HIVEP3: variants seen among roughly 807,000 people sequenced by gnomAD.
HIVEP3 encodes the protein HIVEP zinc finger 3, also known as transcription factor HIVEP3.
A neutral mutation model predicts 152.8 loss-of-function variants in HIVEP3; 49 were observed. The ratio of observed to expected loss-of-function variants is 0.32; its 90% CI spans 0.26 to 0.41. HIVEP3 has a LOEUF of 0.41. Among genes scored for constraint, HIVEP3 ranks in the 10% least tolerant of loss-of-function variants. The pLI is 1.00. For missense variants in HIVEP3, 2,790 were observed against 3,103.3 expected (o/e 0.90, Z 2.40); for synonymous variants, 1,269 against 1,289.0 (o/e 0.98, Z 0.33).
chr1:41,693,610 A>G (rs531342054), intron 2 of HIVEP3, among the ~76,000 whole-genome samples: 2 of 152,134 alleles, frequency 1.3e-5, no homozygotes, highest in African/African-American at 4.8e-5. Context: ...GTTTGTTATC[A>G]TCCTTTAACC....
At chr1:41,845,101 T>C (rs942318501) in intron 1 of HIVEP3, among the ~76,000 whole-genome samples, 1 of 152,206 alleles carries the variant, frequency 6.6e-6, no homozygotes, top group Non-Finnish European at 1.5e-5. Context: ...ATTCTCTATG[T>C]AGCCTCCCCT....
chr1:41,518,335 G>A (rs1642665770), intron 7 of HIVEP3, 67 bp downstream of exon 7: 2 of 1,354,130 alleles, frequency 1.5e-6, no homozygotes, highest in Non-Finnish European at 2.1e-6. Flanking sequence ...AGGCAAGCAG[G>A]AAAGGTGGAG....
At chr1:41,675,782 G>T (rs1184763667) in intron 2 of HIVEP3, among the ~76,000 whole-genome samples, 1 of 152,220 alleles carries the variant, frequency 6.6e-6, no homozygotes, top group East Asian at 1.9e-4. Flanking sequence ...TTCAAACTCA[G>T]CCCTCAATAT....
At chr1:41,513,809 C>T (rs916067911) in intron 7 of HIVEP3, 59 bp from the exon 8 acceptor site, 24 of 1,366,930 alleles carry the variant, frequency 1.8e-5, no homozygotes, top group Middle Eastern at 1.9e-4. Context: ...ACTGCCCACA[C>T]GGCTGCTCCT....
At chr1:41,629,095 C>A in intron 2 of HIVEP3, 148 bp from the exon 3 acceptor site, 1 of 409,146 alleles carries the variant, frequency 2.4e-6, no homozygotes, top group East Asian at 4.5e-5. Flanking sequence ...TCCCCACATC[C>A]CCCTACTTTG....
Position 41,688,545 on chromosome 1 carries a change from A to T in HIVEP3, c.-721+12371T>A, listed in dbSNP as rs568770040. On this transcript the variant is annotated intron_variant, in intron 2 of 8. Coordinates refer to ENST00000372583, the MANE Select transcript of HIVEP3 (RefSeq NM_024503.5). ...CCAGGGAAGGTGGAATGAACACTTA[A>T]CTCATTCTTAAAGTCACAACTCCCA... 2.6e-5 allele frequency among the ~76,000 whole-genome samples: 4 copies of T among 152,264 alleles called. No homozygotes were observed. In the South Asian group the frequency reaches 8.3e-4, roughly 32 times the overall value.
rs1345042455 is a variant in HIVEP3 at position 41,662,164 on chromosome 1, G to GCTGGGCTGCGCCGCGCTGGA, written c.-720-33237_-720-33218dup. ...GGCGGCCGAGGCTCCGCTGCTCTGG[G>GCTGGGCTGCGCCGCGCTGGA]CTGGGCTGCGCCGCGCTGGACTGGG... On this transcript the variant is annotated intron_variant, in intron 2 of 8. Coordinates refer to ENST00000372583, the MANE Select transcript of HIVEP3 (RefSeq NM_024503.5). This position sits in a 1 kb window ranked among gnomAD's most constrained non-coding sequence, Gnocchi z 7.2. 1 of 148,224 alleles carries GCTGGGCTGCGCCGCGCTGGA rather than the reference G, an allele frequency of 6.7e-6. No individual in the cohort carries two copies. The highest frequency in any genetic ancestry group is 1.5e-5 in the Non-Finnish European group (1 of 66,740). The allele number at this position is 148,224 out of a possible 1,614,324, so 9.2% of individuals were successfully genotyped here.
chr1:41,726,224 C>T (rs544642887), intron 1 of HIVEP3, among the ~76,000 whole-genome samples: 11 of 152,058 alleles, frequency 7.2e-5, no homozygotes, highest in Admixed American at 1.3e-4. Flanking sequence ...TGGTGTCTCC[C>T]GGGTAAATCA....
chr1:41,564,002 G>A (rs1210027516), intron 5 of HIVEP3, among the ~76,000 whole-genome samples: 3 of 152,144 alleles, frequency 2.0e-5, no homozygotes, highest in Non-Finnish European at 4.4e-5. Context: ...AACCAGCCTA[G>A]CTAACATGGT....
intron 1 of HIVEP3, among the ~76,000 whole-genome samples, chr1:41,726,154 AC>A (rs1373959687): frequency 6.6e-6 from 1 of 152,184 alleles, no homozygotes; most frequent in Non-Finnish European, 1.5e-5. Flanking sequence ...TTGAAACCAA[AC>A]CTTTTTCTTT....
rs1278398830 is a variant in HIVEP3 at position 41,581,637 on chromosome 1, G to C, written c.3161C>G (p.Pro1054Arg). The C allele has an allele frequency of 6.2e-7, 1 of 1,614,060 alleles. No homozygotes were observed. Among genetic ancestry groups the C allele is most frequent in the Non-Finnish European group, 8.5e-7 (1 of 1,180,026 alleles). Residue 1054 changes from proline to arginine, a missense_variant, in exon 4 of 9, where the codon CCT (proline) becomes CGT (arginine). Physicochemically the swap from Pro to Arg is moderately radical, Grantham distance 103 (BLOSUM62 -2). Around this residue, in one of 9 missense-constraint regions of HIVEP3, gnomAD observed 1,078 missense variants for 1,165.3 expected, o/e 0.93. Coordinates refer to ENST00000372583, the MANE Select transcript of HIVEP3 (RefSeq NM_024503.5). The surrounding 1 kb of genome is among the most constrained non-coding windows in gnomAD (Gnocchi z 4.5). ...FLVRQASLSR[P>R]PESELEVAPK... The stretch of plus-strand genomic sequence containing the variant: ...GGCAACCTCCAACTCAGATTCTGGA[G>C]GCCTGCTCAGAGAGGCCTGTCTCAC...
At chr1:41,620,553 T>C (rs2149141038) in intron 3 of HIVEP3, among the ~76,000 whole-genome samples, 1 of 152,234 alleles carries the variant, frequency 6.6e-6, no homozygotes, top group East Asian at 1.9e-4. Flanking sequence ...TCCCCTGCTT[T>C]TCTCTCTCTG....
At chr1:41,848,573 A>T (rs1283022953) in intron 1 of HIVEP3, 2 of 152,302 alleles carry the variant, frequency 1.3e-5, no homozygotes, top group African/African-American at 4.8e-5. Context: ...GAAGCGAGGG[A>T]GGGGAGAGGG....
At chr1:41,932,896 C>A (rs769178255) in intron 1 of HIVEP3, among the ~76,000 whole-genome samples, 8 of 151,738 alleles carry the variant, frequency 5.3e-5, no homozygotes, top group Admixed American at 3.3e-4. Context: ...CAGTTCAAAA[C>A]GCTTTTTTAA....
chr1:41,946,478 A>T (rs971622237), intron 1 of HIVEP3, among the ~76,000 whole-genome samples: 4 of 152,208 alleles, frequency 2.6e-5, no homozygotes, highest in Non-Finnish European at 5.9e-5. Flanking sequence ...GGGTCCTAGG[A>T]CAGCCAGTCA....
chr1:41,961,395 T>C (rs1051466357), intron 1 of HIVEP3, among the ~76,000 whole-genome samples: 1 of 152,242 alleles, frequency 6.6e-6, no homozygotes, highest in Non-Finnish European at 1.5e-5. Context: ...GCCATAGCAA[T>C]AGTAACCAAG....
chr1:41,638,827 T>A (rs1645327675), intron 2 of HIVEP3, among the ~76,000 whole-genome samples: 1 of 152,220 alleles, frequency 6.6e-6, no homozygotes, highest in South Asian at 2.1e-4. Context: ...GGGGTTGGCA[T>A]CACTGCAGCT....
At chr1:41,572,438 C>T (rs1204946637) in intron 5 of HIVEP3, among the ~76,000 whole-genome samples, 2 of 152,190 alleles carry the variant, frequency 1.3e-5, no homozygotes, top group African/African-American at 2.4e-5. Flanking sequence ...CCTCTGGGCC[C>T]GGCCCCACCC....
intron 5 of HIVEP3, among the ~76,000 whole-genome samples, chr1:41,567,523 G>T (rs140334901): frequency 1.3e-5 from 2 of 152,184 alleles, no homozygotes; most frequent in African/African-American, 4.8e-5. Flanking sequence ...CTACATTTCT[G>T]GGGAGAAGCC....
Sources: gnomAD v4.1 joint callset for allele counts (sites outside exome capture counted in the v4.1 genomes callset) on GRCh38, gnomAD v4.1.1 for gene constraint, gnomAD v4.1.1 regional missense constraint, Gnocchi (gnomAD v3.1) non-coding constraint, MANE v1.5 for transcripts, NCBI Gene and HGNC (gene_info 2026-07-23, HGNC 2026-07-21) for gene names.